Variants in TMPRSS12 observed in about 807,000 individuals in gnomAD.
TMPRSS12 encodes the protein transmembrane serine protease 12, also known as transmembrane protease serine 12.
In TMPRSS12, 25 loss-of-function variants were observed where a neutral mutation model predicts 26.0. The observed-to-expected ratio is 0.96, with a 90% CI of 0.70 to 1.34. The LOEUF (loss-of-function observed/expected upper bound fraction) is 1.34, where lower values mean the gene tolerates loss of function less well. Ranked by LOEUF, TMPRSS12 falls within the 40% of genes most tolerant of loss-of-function variation. The pLI is 0.00. For missense variants in TMPRSS12, 441 were observed against 440.1 expected, an observed-to-expected ratio of 1.00 and a Z score of -0.02; for synonymous variants, 150 against 161.7, an observed-to-expected ratio of 0.93 and a Z score of 0.55.
At chr12:50,873,427 C>A (rs1169480962) in intron 3 of TMPRSS12, among the ~76,000 whole-genome samples, 12 of 152,056 alleles carry the variant, frequency 7.9e-5, no homozygotes, top group Admixed American at 6.6e-4. Context: ...AATTGTGTAT[C>A]CAGCAAAACT....
intron 3 of TMPRSS12, among the ~76,000 whole-genome samples, chr12:50,882,078 A>C (rs1216043756): frequency 7.2e-6 from 1 of 138,852 alleles, no homozygotes; most frequent in Non-Finnish European, 1.5e-5. Context: ...CATACGGAAG[A>C]GCAAACATTT....
chr12:50,846,296 C>T (rs930693978), intron 2 of TMPRSS12, among the ~76,000 whole-genome samples: 5 of 152,034 alleles, frequency 3.3e-5, no homozygotes, highest in Non-Finnish European at 5.9e-5. Flanking sequence ...GTCTTTGATT[C>T]ATTTTGAGTC....
chr12:50,855,445 A>T (rs1368615441), intron 2 of TMPRSS12, among the ~76,000 whole-genome samples: 1 of 152,254 alleles, frequency 6.6e-6, no homozygotes, highest in Non-Finnish European at 1.5e-5. Context: ...GCCAAGAAAC[A>T]TATGAAAAAA....
At chr12:50,872,861 T>C (rs868273183) in intron 3 of TMPRSS12, among the ~76,000 whole-genome samples, 29 of 36,950 alleles carry the variant, frequency 7.8e-4, no homozygotes, top group African/African-American at 2.2e-3. Flanking sequence ...TACATATATA[T>C]GACTATATAT....
intron 1 of TMPRSS12, 35 bp from the exon 2 acceptor site, chr12:50,843,807 G>T (rs1177962409): frequency 4.5e-6 from 7 of 1,540,140 alleles, no homozygotes; most frequent in Non-Finnish European, 5.3e-6. Context: ...TACTATAGAT[G>T]CTCAGTCCAA....
chr12:50,882,657 A>AATTGACTAAATATGAAAATGGTAACTAG, intron 3 of TMPRSS12, among the ~76,000 whole-genome samples: 3 of 25,464 alleles, frequency 1.2e-4, no homozygotes, highest in African/African-American at 3.9e-4. Context: ...TTTGTAAATA[A>AATTGACTAAATATGAAAATGGTAACTAG]CCCAAACTGA....
intron 2 of TMPRSS12, among the ~76,000 whole-genome samples, chr12:50,856,601 C>A (rs1269127299): frequency 6.6e-6 from 1 of 151,716 alleles, no homozygotes; most frequent in Admixed American, 6.6e-5. Context: ...AAGAGTGAGA[C>A]TACCTTGTCA....
At chr12:50,880,160 G>C (rs917064262) in intron 3 of TMPRSS12, among the ~76,000 whole-genome samples, 4 of 151,568 alleles carry the variant, frequency 2.6e-5, no homozygotes, top group Non-Finnish European at 5.9e-5. Context: ...GCTTTGGGAG[G>C]CCAAGGTGAA....
chr12:50,871,939 CAGT>C (rs1938047226), intron 3 of TMPRSS12, among the ~76,000 whole-genome samples: 1 of 135,092 alleles, frequency 7.4e-6, no homozygotes, highest in Non-Finnish European at 1.6e-5. Flanking sequence ...AAAAAAAAAA[CAGT>C]AGATGTTGGC....
At chr12:50,848,748 G>A (rs1028353841) in intron 2 of TMPRSS12, among the ~76,000 whole-genome samples, 1 of 152,192 alleles carries the variant, frequency 6.6e-6, no homozygotes, top group African/African-American at 2.4e-5. Context: ...CTTTCCCAGA[G>A]AGCTGTGGTC....
chr12:50,844,809 A>C (rs2095902374), intron 2 of TMPRSS12, among the ~76,000 whole-genome samples: 1 of 152,232 alleles, frequency 6.6e-6, no homozygotes, highest in Non-Finnish European at 1.5e-5. Context: ...GAGTGTGGCT[A>C]TAATCCAATA....
chr12:50,879,914 T>G (rs1461904308), intron 3 of TMPRSS12, among the ~76,000 whole-genome samples: 2 of 151,974 alleles, frequency 1.3e-5, no homozygotes, highest in East Asian at 3.9e-4. Context: ...GAGACTGTAG[T>G]AAACTGTGAT....
chr12:50,876,127 G>C (rs1003994442), intron 3 of TMPRSS12, among the ~76,000 whole-genome samples: 27 of 152,064 alleles, frequency 1.8e-4, no homozygotes, highest in African/African-American at 6.3e-4. Flanking sequence ...AGACATACAA[G>C]CAGCCAACAA....
chr12:50,877,920 T>A (rs1938127634), intron 3 of TMPRSS12, among the ~76,000 whole-genome samples: 1 of 152,112 alleles, frequency 6.6e-6, no homozygotes, highest in South Asian at 2.1e-4. Context: ...CATAATAGCA[T>A]TTAAAATAAT....
chr12:50,879,970 CA>C (rs1938148665), intron 3 of TMPRSS12, among the ~76,000 whole-genome samples: 1 of 151,772 alleles, frequency 6.6e-6, no homozygotes, highest in Non-Finnish European at 1.5e-5. Flanking sequence ...GAGCCTGTCA[CA>C]AAAACATTAA....
At chr12:50,862,832 TTA>T (rs1372164757) in intron 3 of TMPRSS12, among the ~76,000 whole-genome samples, 1 of 151,948 alleles carries the variant, frequency 6.6e-6, no homozygotes, top group Non-Finnish European at 1.5e-5. Flanking sequence ...CGCCTTGTTC[TTA>T]TATATATAGT....
At chr12:50,866,590 G>C (rs889585257) in intron 3 of TMPRSS12, among the ~76,000 whole-genome samples, 1 of 150,836 alleles carries the variant, frequency 6.6e-6, no homozygotes, top group Non-Finnish European at 1.5e-5. Context: ...GAGAGTTCTA[G>C]GGCCCTGTCC....
At chr12:50,847,477 A>C (rs542944742) in intron 2 of TMPRSS12, among the ~76,000 whole-genome samples, 1 of 150,924 alleles carries the variant, frequency 6.6e-6, no homozygotes, top group East Asian at 2.0e-4. Flanking sequence ...TTTTATTTTT[A>C]TTTATTTTTA....
At chr12:50,874,743 A>G (rs917369423) in intron 3 of TMPRSS12, among the ~76,000 whole-genome samples, 1 of 152,184 alleles carries the variant, frequency 6.6e-6, no homozygotes, top group Non-Finnish European at 1.5e-5. Context: ...ATGTACAAAA[A>G]TCAGTAGCAT....
Sources: allele counts gnomAD v4.1 joint callset (sites outside exome capture counted in the v4.1 genomes callset), GRCh38; gene constraint gnomAD v4.1.1; transcripts MANE v1.5; gene names NCBI Gene and HGNC (gene_info 2026-07-23, HGNC 2026-07-21).